The following RPH3AL variants were observed in gnomAD, a reference collection of about 807,000 sequenced individuals.
RPH3AL encodes rab effector Noc2.
A neutral mutation model predicts 43.1 loss-of-function variants in RPH3AL; 38 were observed. The ratio of observed to expected loss-of-function variants is 0.88; its 90% CI spans 0.68 to 1.15. RPH3AL has a LOEUF of 1.15. Among genes scored for constraint, RPH3AL ranks in the 50% most tolerant of loss-of-function variants. The pLI is 0.00. For synonymous variants in RPH3AL, 189 were observed against 176.3 expected, an observed-to-expected ratio of 1.07 and a Z score of -0.57; for missense variants, 462 against 423.2, an observed-to-expected ratio of 1.09 and a Z score of -0.81.
chr17:318,107 G>A (rs918391568), intron 5 of RPH3AL, among the ~76,000 whole-genome samples: 1 of 152,136 alleles, frequency 6.6e-6, no homozygotes. Flanking sequence ...TAGCAGCCAG[G>A]CACGGTGGCT....
rs532226403 is a variant in RPH3AL at position 243,476 on chromosome 17, C to A, written c.613+3635G>T. Among the ~76,000 whole-genome samples the A allele has an allele frequency of 1.6e-3, 241 of 147,232 alleles. 3 individuals carry two copies. The East Asian group carries it at 0.02, about 12-fold the overall frequency. ...TTGATTACCTTCCTCTATTGACTAC[C>A]TTCCTCTATTGACTACCTTCCTCTA... On this transcript the variant is annotated intron_variant, in intron 7 of 9. Coordinates refer to ENST00000331302, the MANE Select transcript of RPH3AL (RefSeq NM_006987.4).
At chr17:230,436 T>TA (rs2151513520) in intron 7 of RPH3AL, among the ~76,000 whole-genome samples, 1 of 152,136 alleles carries the variant, frequency 6.6e-6, no homozygotes, top group Admixed American at 6.5e-5. Context: ...GGGCACTCAG[T>TA]AAGGGCTTCC....
intron 6 of RPH3AL, chr17:261,676 A>G (rs915275699): frequency 9.2e-5 from 14 of 152,218 alleles, no homozygotes; most frequent in African/African-American, 3.4e-4. Context: ...CAGCCAAACT[A>G]TCAACACAAT....
chr17:316,290 T>C (rs73971730), intron 5 of RPH3AL, among the ~76,000 whole-genome samples: 40,366 of 62,996 alleles, frequency 0.64, 10,795 homozygotes, highest in East Asian at 0.74. Flanking sequence ...ATGCGTAGTC[T>C]CTGTGCTCCA....
intron 6 of RPH3AL, among the ~76,000 whole-genome samples, chr17:269,295 T>G (rs927654117): frequency 6.6e-6 from 1 of 152,186 alleles, no homozygotes; most frequent in African/African-American, 2.4e-5. Flanking sequence ...TGAGCCACCG[T>G]GCCTGACCTA....
At chr17:301,728 C>G (rs886835345) in intron 5 of RPH3AL, among the ~76,000 whole-genome samples, 1 of 152,158 alleles carries the variant, frequency 6.6e-6, no homozygotes, top group South Asian at 2.1e-4. Context: ...TGTGACCCAC[C>G]GCGCCCGGCC....
chr17:314,547 T>G (rs902929533), intron 5 of RPH3AL, among the ~76,000 whole-genome samples: 10,014 of 123,508 alleles, frequency 0.081, 686 homozygotes, highest in African/African-American at 0.2. Flanking sequence ...TCCATTGACC[T>G]GTAGTCTCTG....
chr17:236,552 G>C (rs988704687), intron 7 of RPH3AL, among the ~76,000 whole-genome samples: 1 of 152,184 alleles, frequency 6.6e-6, no homozygotes, highest in African/African-American at 2.4e-5. Context: ...TGAGAGCGGG[G>C]TGGGGGTGGG....
At chr17:320,414 T>C (rs1400856836) in intron 4 of RPH3AL, among the ~76,000 whole-genome samples, 2 of 151,970 alleles carry the variant, frequency 1.3e-5, no homozygotes, top group Non-Finnish European at 2.9e-5. Context: ...GGCAGGCGGA[T>C]CGCTTGAGCC....
intron 7 of RPH3AL, among the ~76,000 whole-genome samples, chr17:227,083 C>T (rs1488085060): frequency 6.6e-6 from 1 of 152,114 alleles, no homozygotes; most frequent in South Asian, 2.1e-4. Flanking sequence ...GGGAGAAGCT[C>T]CCCTCCTGGG....
intron 5 of RPH3AL, among the ~76,000 whole-genome samples, chr17:299,755 C>CAG (rs1454069803): frequency 3.3e-5 from 5 of 152,252 alleles, no homozygotes; most frequent in Non-Finnish European, 5.9e-5. Context: ...CTGTTATTTA[C>CAG]CACAACAGAG....
rs2041715001 is a variant in RPH3AL, at chr17:245,038, G to C, written c.613+2073C>G. On this transcript the variant is annotated intron_variant, in intron 7 of 9. Transcript: ENST00000331302. This position sits in a 1 kb window ranked among gnomAD's most constrained non-coding sequence, Gnocchi z 5.9. Reference sequence around the variant, plus strand: ...TGTATGTGGATGTGTGTGTGGATGTGAGCACTATGTGTGCATGTGGATGTG... The same window carrying C: ...TGTATGTGGATGTGTGTGTGGATGTCAGCACTATGTGTGCATGTGGATGTG... 6.6e-6 allele frequency among the ~76,000 whole-genome samples: 1 copy of C among 152,044 alleles called. No homozygotes were observed.
chr17:286,839 T>TTCCA (rs1326257121), intron 5 of RPH3AL, among the ~76,000 whole-genome samples: 3 of 152,066 alleles, frequency 2.0e-5, no homozygotes, highest in South Asian at 2.1e-4. Context: ...TGCGTCCGGG[T>TTCCA]GTTAAACGAT....
At chr17:308,171 G>A (rs1009266585) in intron 5 of RPH3AL, among the ~76,000 whole-genome samples, 1 of 152,252 alleles carries the variant, frequency 6.6e-6, no homozygotes, top group Non-Finnish European at 1.5e-5. Flanking sequence ...CCAATTTGCA[G>A]GCGACTGAGA....
chr17:224,530 C>A (rs1295546916), intron 7 of RPH3AL, among the ~76,000 whole-genome samples: 1 of 152,246 alleles, frequency 6.6e-6, no homozygotes, highest in Non-Finnish European at 1.5e-5. Context: ...ACTGCACCAA[C>A]CACTGTCTGC....
intron 1 of RPH3AL, among the ~76,000 whole-genome samples, chr17:342,934 C>G (rs1381270107): frequency 6.6e-6 from 1 of 152,144 alleles, no homozygotes; most frequent in Non-Finnish European, 1.5e-5. Flanking sequence ...CACGACAGAT[C>G]AAGGAAATTG....
chr17:215,884 G>A lies in RPH3AL; in HGVS notation c.728-82C>T, dbSNP rs1045792676. On this transcript the variant is annotated intron_variant, in intron 8 of 9. Transcript: ENST00000331302. The surrounding 1 kb of genome is among the most constrained non-coding windows in gnomAD (Gnocchi z 4.1). ...GTCCAGTTCCTCGTTTGGAACTCTA[G>A]ATCTCTATGGGATGTCTGCCCCCCA... is the stretch of plus-strand genomic sequence containing the variant. The A allele has an allele frequency of 2.4e-6, 3 of 1,237,392 alleles. No individual in the cohort carries two copies. Among genetic ancestry groups the A allele is most frequent in the Non-Finnish European group, 3.1e-6 (3 of 959,314 alleles). The allele number at this position is 1,237,392 out of a possible 1,614,324, so 76.7% of individuals were successfully genotyped here.
chr17:316,947 C>T (rs1555520887), intron 5 of RPH3AL, among the ~76,000 whole-genome samples: 1 of 142,700 alleles, frequency 7.0e-6, no homozygotes, highest in African/African-American at 2.7e-5. Context: ...CCTCCATTGA[C>T]CTGTAGTCTC....
At chr17:317,069 C>G (rs1598112442) in intron 5 of RPH3AL, among the ~76,000 whole-genome samples, 2 of 150,340 alleles carry the variant, frequency 1.3e-5, no homozygotes, top group South Asian at 2.1e-4. Context: ...CCTCCACTGA[C>G]CTGTAGTCTC....
Sources: allele counts gnomAD v4.1 joint callset (sites outside exome capture counted in the v4.1 genomes callset), GRCh38; gene constraint gnomAD v4.1.1; non-coding constraint Gnocchi (gnomAD v3.1); transcripts MANE v1.5; gene names NCBI Gene and HGNC (gene_info 2026-07-23, HGNC 2026-07-21).